Variants in TRNT1 observed in about 807,000 individuals in gnomAD.
The protein encoded by TRNT1 is CCA tRNA nucleotidyltransferase 1, mitochondrial.
A neutral mutation model predicts 45.6 loss-of-function variants in TRNT1; 44 were observed. That is an observed-to-expected ratio of 0.97 (90% confidence interval 0.76 to 1.24). The LOEUF is 1.24. Among genes scored for constraint, TRNT1 ranks in the 50% most tolerant of loss-of-function variants. The probability of loss-of-function intolerance (pLI) is 0.00; values close to 1 mark genes in which losing one functional copy is unlikely to be tolerated. For synonymous variants in TRNT1, 201 were observed against 171.4 expected (o/e 1.17, Z -1.35); for missense variants, 633 against 504.4 (o/e 1.25, Z -2.44).
At chr3:3,147,241 A>G (rs952614180) in intron 6 of TRNT1, among the ~76,000 whole-genome samples, 3 of 152,184 alleles carry the variant, frequency 2.0e-5, no homozygotes, top group Admixed American at 2.0e-4. Context: ...TTTAATGGAA[A>G]CAAGAACATT....
At chr3:3,129,287 T>C in intron 2 of TRNT1, 99 bp downstream of exon 2, 1 of 1,100,792 alleles carries the variant, frequency 9.1e-7, no homozygotes, top group Admixed American at 2.4e-5. Flanking sequence ...TTCATTGTTG[T>C]TTTAATTATT....
chr3:3,143,887 G>T (rs2126029761), intron 4 of TRNT1, among the ~76,000 whole-genome samples: 1 of 152,264 alleles, frequency 6.6e-6, no homozygotes, highest in African/African-American at 2.4e-5. Context: ...TATGACTAAG[G>T]TTGAAAATCT....
intron 2 of TRNT1, chr3:3,130,069 G>A: frequency 8.9e-7 from 1 of 1,129,848 alleles, no homozygotes; most frequent in Non-Finnish European, 1.3e-6. Context: ...CATTAGTGTT[G>A]ATTCTCAATG....
chr3:3,146,631 C>G lies in TRNT1; in HGVS notation c.802+8C>G, dbSNP rs758153472. On this transcript the variant is annotated splice_region_variant and intron_variant, in intron 6 of 7. Coordinates refer to ENST00000251607, the MANE Select transcript of TRNT1 (RefSeq NM_182916.3). ...ATGTGGCTCCTTATATAGGTGAGAG[C>G]AAGTTATAAAGTGTTTGAATTTTTG... 6.3e-7 allele frequency: 1 copy of G among 1,576,856 alleles called. No individual in the cohort carries two copies. Among genetic ancestry groups the G allele is most frequent in the South Asian group, 1.2e-5 (1 of 85,212 alleles).
chr3:3,141,112 C>G (rs1705622182), intron 4 of TRNT1, among the ~76,000 whole-genome samples: 1 of 152,134 alleles, frequency 6.6e-6, no homozygotes, highest in African/African-American at 2.4e-5. Context: ...TCCCTGGGTT[C>G]AAATTCTGAC....
chr3:3,133,153 G>A (rs916376339), intron 2 of TRNT1, among the ~76,000 whole-genome samples: 7 of 152,222 alleles, frequency 4.6e-5, no homozygotes, highest in South Asian at 2.1e-4. Flanking sequence ...AAGAATATGA[G>A]AGACTAGAAT....
At chr3:3,147,799 C>A (rs1489589104) in intron 7 of TRNT1, 96 bp downstream of exon 7, 3 of 1,516,736 alleles carry the variant, frequency 2.0e-6, no homozygotes, top group Middle Eastern at 3.6e-4. Context: ...GTGAATTTTA[C>A]TTATTTTAAA....
downstream of TRNT1, chr3:3,151,087 G>C: frequency 3.1e-6 from 5 of 1,597,404 alleles, no homozygotes; most frequent in Non-Finnish European, 3.4e-6. Context: ...AAACATTTCT[G>C]TACTCCAAGC....
intron 4 of TRNT1, among the ~76,000 whole-genome samples, chr3:3,141,857 C>G (rs1705675352): frequency 6.6e-6 from 1 of 152,164 alleles, no homozygotes; most frequent in African/African-American, 2.4e-5. Context: ...GATACAATTT[C>G]TAGGGTACCT....
At position 3,148,172 on chromosome 3, in the gene TRNT1, A is replaced by AAGCAG; in HGVS notation, c.*23_*27dup. On this transcript the variant is annotated 3_prime_UTR_variant, in exon 8 of 8. Coordinates refer to ENST00000251607, the MANE Select transcript of TRNT1 (RefSeq NM_182916.3). ...AGACCTAAAACTGATGGCTACTAAA[A>AAGCAG]AGCAGAGCATTTCTGGTAAGACTAA... 6.2e-7 allele frequency: 1 copy of AAGCAG among 1,608,842 alleles called. No individual in the cohort carries two copies. Among genetic ancestry groups the AAGCAG allele is most frequent in the African/African-American group, 1.3e-5 (1 of 74,670 alleles).
chr3:3,136,626 G>A (rs1318357920), intron 2 of TRNT1: 1 of 433,006 alleles, frequency 2.3e-6, no homozygotes, highest in Non-Finnish European at 4.5e-6. Flanking sequence ...GGAAAAGAAA[G>A]CAGAATTGTT....
At chr3:3,151,677 T>C (rs962123678), downstream of TRNT1, among the ~76,000 whole-genome samples, 2 of 152,084 alleles carry the variant, frequency 1.3e-5, no homozygotes, top group Non-Finnish European at 2.9e-5. Flanking sequence ...TCACATAGGG[T>C]GCCAAGTAAG....
chr3:3,137,857 ACT>A (rs1243326172), intron 3 of TRNT1, among the ~76,000 whole-genome samples: 4 of 151,948 alleles, frequency 2.6e-5, no homozygotes, highest in South Asian at 2.1e-4. Context: ...CACGTTTATG[ACT>A]CTGTATTGTT....
intron 5 of TRNT1, 87 bp from the exon 6 acceptor site, chr3:3,146,343 G>T: frequency 1.0e-6 from 1 of 994,984 alleles, no homozygotes; most frequent in East Asian, 2.5e-5. Flanking sequence ...GCAGATGTAT[G>T]GGATAGTACC....
chr3:3,131,012 G>T (rs557421258), intron 2 of TRNT1, among the ~76,000 whole-genome samples: 2 of 152,020 alleles, frequency 1.3e-5, no homozygotes, highest in African/African-American at 2.4e-5. Context: ...AGCCTGGGAG[G>T]GGGGCTTGCG....
At chr3:3,136,720 T>C in intron 2 of TRNT1, 2 of 414,132 alleles carry the variant, frequency 4.8e-6, no homozygotes, top group Non-Finnish European at 9.4e-6. Flanking sequence ...AGTGGCACGA[T>C]CATAGCTCAC....
chr3:3,133,068 T>C (rs1020213204), intron 2 of TRNT1, among the ~76,000 whole-genome samples: 1 of 152,168 alleles, frequency 6.6e-6, no homozygotes, highest in Non-Finnish European at 1.5e-5. Flanking sequence ...TAGTGATACT[T>C]GGAGTTTAAA....
rs1275751651 is a variant in TRNT1, at chr3:3,148,441, AC to A, written c.*288del. ...TAACCTGTTCAGGCTTTTAAAAAAA[AC>A]TGTTTTTGCATAGGGTAGTACTAAG... is the stretch of plus-strand genomic sequence containing the variant. On this transcript the variant is annotated 3_prime_UTR_variant, in exon 8 of 8. Coordinates refer to ENST00000251607, the MANE Select transcript of TRNT1 (RefSeq NM_182916.3). 1.3e-5 allele frequency: 3 copies of A among 236,002 alleles called. No individual in the cohort carries two copies. The highest frequency in any genetic ancestry group is 6.8e-5 in the African/African-American group (3 of 43,938). The allele number at this position is 236,002 out of a possible 1,614,324, so 14.6% of individuals were successfully genotyped here. A position where few individuals can be genotyped will look rare whatever the true frequency, so the allele number is the denominator to read the frequency against.
At chr3:3,151,336 GACCACATTCTAACTTGTACTGGC>G (rs373055891), downstream of TRNT1, among the ~76,000 whole-genome samples, 136 of 152,258 alleles carry the variant, frequency 8.9e-4, 1 homozygote, top group South Asian at 7.7e-3. Context: ...TGGTTGCCAA[GACCACATTCTAACTTGTACTGGC>G]ACCACATTCT....
Sources: gnomAD v4.1 joint callset for allele counts (sites outside exome capture counted in the v4.1 genomes callset) on GRCh38, gnomAD v4.1.1 for gene constraint, MANE v1.5 for transcripts, NCBI Gene and HGNC (gene_info 2026-07-23, HGNC 2026-07-21) for gene names.